The following FAT3 variants were observed in gnomAD, a reference collection of about 807,000 sequenced individuals.
FAT3 encodes protocadherin Fat 3.
Under a neutral mutation model 310.2 loss-of-function variants are expected in FAT3, and 95 were observed. The ratio of observed to expected loss-of-function variants is 0.31; its 90% CI spans 0.26 to 0.36. The LOEUF is 0.36. FAT3 is among the 10% of genes least tolerant of loss of function. The probability of loss-of-function intolerance (pLI) is 1.00; values close to 1 mark genes in which losing one functional copy is unlikely to be tolerated. For synonymous variants in FAT3, 2,314 were observed against 2,192.9 expected, an observed-to-expected ratio of 1.06 and a Z score of -1.54; for missense variants, 5,408 against 5,715.6, an observed-to-expected ratio of 0.95 and a Z score of 1.74.
intron 1 of FAT3, among the ~76,000 whole-genome samples, chr11:92,238,380 T>C (rs1032841560): frequency 6.6e-6 from 1 of 152,104 alleles, no homozygotes; most frequent in Non-Finnish European, 1.5e-5. Context: ...TTGCTCCCAG[T>C]ATATACTCAG....
chr11:92,713,020 C>T (rs1037784544), intron 4 of FAT3, among the ~76,000 whole-genome samples: 1 of 152,182 alleles, frequency 6.6e-6, no homozygotes, highest in African/African-American at 2.4e-5. Flanking sequence ...ACATAAAAGA[C>T]ACTGCACACT....
chr11:92,846,253 C>A (rs1591808788), intron 19 of FAT3, among the ~76,000 whole-genome samples: 1 of 152,146 alleles, frequency 6.6e-6, no homozygotes, highest in African/African-American at 2.4e-5. Context: ...TCCTTGTACT[C>A]TGAGAACTCA....
Position 92,417,078 on chromosome 11 carries a change from C to A in FAT3, c.3292+61674C>A, listed in dbSNP as rs192987175. ...GCAACTGTTTGATTCTATAAGCTCT[C>A]CTTTTGGGTTTAGAGGTGAATTTCT... is the stretch of plus-strand genomic sequence containing the variant. On this transcript the variant is annotated intron_variant, in intron 2 of 27. Transcript: ENST00000525166. Among the ~76,000 whole-genome samples, 29 of 152,238 alleles carry A rather than the reference C, an allele frequency of 1.9e-4. No individual in the cohort carries two copies. The South Asian group carries it at 2.9e-3, about 15-fold the overall frequency.
intron 3 of FAT3, among the ~76,000 whole-genome samples, chr11:92,674,618 G>T (rs897054379): frequency 4.6e-5 from 7 of 151,956 alleles, no homozygotes; most frequent in African/African-American, 1.2e-4. Context: ...GAACTCCAGG[G>T]CTCAAGTGAT....
chr11:92,409,735 A>G (rs1169565392), intron 2 of FAT3, among the ~76,000 whole-genome samples: 1 of 152,218 alleles, frequency 6.6e-6, no homozygotes, highest in African/African-American at 2.4e-5. Context: ...CATATTTCAC[A>G]GTTAGAAGCC....
At chr11:92,591,971 A>G (rs1939446623) in intron 3 of FAT3, among the ~76,000 whole-genome samples, 2 of 152,182 alleles carry the variant, frequency 1.3e-5, no homozygotes, top group Admixed American at 1.3e-4. Flanking sequence ...TGCATTTGTC[A>G]AAACCCAAAA....
chr11:92,301,078 C>T (rs1946985564), intron 1 of FAT3, among the ~76,000 whole-genome samples: 1 of 152,098 alleles, frequency 6.6e-6, no homozygotes, highest in Non-Finnish European at 1.5e-5. Flanking sequence ...GAGGCCTCTC[C>T]TCATGTGCTT....
intron 2 of FAT3, among the ~76,000 whole-genome samples, chr11:92,485,868 A>G (rs1003555435): frequency 6.6e-6 from 1 of 152,086 alleles, no homozygotes; most frequent in Non-Finnish European, 1.5e-5. Context: ...GCAACTGGGT[A>G]ATTTGCAACC....
Position 92,883,453 on chromosome 11 carries a change from G to T in FAT3, c.12937+60G>T. 1 of 1,537,668 alleles carries T rather than the reference G, an allele frequency of 6.5e-7. No individual in the cohort carries two copies. The highest frequency in any genetic ancestry group is 8.8e-7 in the Non-Finnish European group (1 of 1,140,398). On this transcript the variant is annotated intron_variant, in intron 24 of 27. Coordinates refer to ENST00000525166, the MANE Select transcript of FAT3 (RefSeq NM_001367949.2). The surrounding 1 kb of genome is among the most constrained non-coding windows in gnomAD (Gnocchi z 4.2). ...CTTACAGGGAACCTGCAGGGGCGCT[G>T]TGCGAGGACGCTACGGGAAGGGAGA...
chr11:92,708,233 T>G (rs1944415756), intron 4 of FAT3, among the ~76,000 whole-genome samples: 1 of 152,236 alleles, frequency 6.6e-6, no homozygotes, highest in Non-Finnish European at 1.5e-5. Context: ...TTTGGTTGTT[T>G]AATTTTTGGG....
intron 3 of FAT3, among the ~76,000 whole-genome samples, chr11:92,639,517 T>C (rs891311227): frequency 6.6e-6 from 1 of 152,112 alleles, no homozygotes; most frequent in Non-Finnish European, 1.5e-5. Context: ...TCCTCCCCCA[T>C]GCCCCATCTC....
intron 2 of FAT3, among the ~76,000 whole-genome samples, chr11:92,447,203 A>G (rs1278995023): frequency 7.1e-6 from 1 of 141,488 alleles, no homozygotes; most frequent in Non-Finnish European, 1.5e-5. Flanking sequence ...GTTCATATAT[A>G]TGTGTATGTA....
chr11:92,526,924 C>A (rs1953886809), intron 3 of FAT3, among the ~76,000 whole-genome samples: 1 of 152,268 alleles, frequency 6.6e-6, no homozygotes, highest in African/African-American at 2.4e-5. Context: ...ATTCAATCAC[C>A]AACCACTTAT....
At chr11:92,350,367 T>C (rs78679122) in intron 1 of FAT3, among the ~76,000 whole-genome samples, 3,941 of 151,814 alleles carry the variant, frequency 0.026, 189 homozygotes, top group African/African-American at 0.091. Context: ...TTTTTTTTTT[T>C]CAGTTTGCAG....
At chr11:92,397,548 C>G (rs368406889) in intron 2 of FAT3, among the ~76,000 whole-genome samples, 1 of 152,078 alleles carries the variant, frequency 6.6e-6, no homozygotes, top group Non-Finnish European at 1.5e-5. Context: ...TGACTAAAAC[C>G]TTTTCCCCAA....
At chr11:92,700,323 G>A (rs1944060868) in intron 4 of FAT3, among the ~76,000 whole-genome samples, 1 of 152,102 alleles carries the variant, frequency 6.6e-6, no homozygotes, top group South Asian at 2.1e-4. Context: ...GCAAACAGAG[G>A]GGACTATGGT....
intron 4 of FAT3, among the ~76,000 whole-genome samples, chr11:92,727,005 T>C (rs777934828): frequency 2.6e-5 from 4 of 152,152 alleles, no homozygotes; most frequent in Non-Finnish European, 5.9e-5. Context: ...ACTGCTCTTA[T>C]GACAAAATGA....
intron 2 of FAT3, among the ~76,000 whole-genome samples, chr11:92,356,089 C>G (rs1394639309): frequency 6.6e-6 from 1 of 152,168 alleles, no homozygotes; most frequent in Non-Finnish European, 1.5e-5. Context: ...CCAGTATTTT[C>G]ATCGCTTCTG....
chr11:92,402,674 G>A (rs1950044178), intron 2 of FAT3, among the ~76,000 whole-genome samples: 1 of 151,488 alleles, frequency 6.6e-6, no homozygotes, highest in Non-Finnish European at 1.5e-5. Context: ...TGAGATGGCA[G>A]ATAGCTGAGA....
Sources: allele counts gnomAD v4.1 joint callset (sites outside exome capture counted in the v4.1 genomes callset), GRCh38; gene constraint gnomAD v4.1.1; non-coding constraint Gnocchi (gnomAD v3.1); transcripts MANE v1.5; gene names NCBI Gene and HGNC (gene_info 2026-07-23, HGNC 2026-07-21).